Variants in ATRX observed in about 807,000 individuals in gnomAD.
The protein encoded by ATRX is ATRX chromatin remodeler.
In ATRX, 12 loss-of-function variants were observed where a neutral mutation model predicts 172.6. That is an observed-to-expected ratio of 0.07 (90% CI 0.04 to 0.11). The LOEUF (loss-of-function observed/expected upper bound fraction) is 0.11, where lower values mean the gene tolerates loss of function less well. ATRX is among the 10% of genes least tolerant of loss of function. The pLI is 1.00. For synonymous variants in ATRX, 674 were observed against 594.7 expected (o/e 1.13, Z -1.94); for missense variants, 1,368 against 1,767.4 (o/e 0.77, Z 4.05).
At chrX:77,694,327 T>A (rs2072064052) in intron 5 of ATRX, among the ~76,000 whole-genome samples, 1 of 111,325 alleles carries the variant, frequency 9.0e-6, no homozygotes, top group Non-Finnish European at 1.9e-5. Context: ...AGGGAAAAAA[T>A]TTTTAAAGAC....
At chrX:77,737,746 A>G (rs1253608379) in intron 1 of ATRX, among the ~76,000 whole-genome samples, 5 of 110,459 alleles carry the variant, frequency 4.5e-5, no homozygotes, top group African/African-American at 1.6e-4. Context: ...TGTACCCACA[A>G]TTTTATTTTT....
At chrX:77,778,696 G>A (rs2076451173) in intron 1 of ATRX, among the ~76,000 whole-genome samples, 1 of 107,419 alleles carries the variant, frequency 9.3e-6, no homozygotes, top group South Asian at 4.2e-4. Context: ...ACTCCAGCCT[G>A]GGTGACAGAG....
intron 25 of ATRX, 128 bp downstream of exon 25, chrX:77,599,283 T>C (rs782181438): frequency 6.9e-5 from 50 of 720,932 alleles, no homozygotes; most frequent in Non-Finnish European, 9.9e-5. Context: ...GAGTACTTGA[T>C]TAGACTCATC....
chrX:77,513,416 C>G (rs782595408), intron 34 of ATRX, among the ~76,000 whole-genome samples: 2 of 107,316 alleles, frequency 1.9e-5, no homozygotes, highest in Admixed American at 1.0e-4. Flanking sequence ...ACAAGGATGA[C>G]TGGCACACTC....
chrX:77,729,471 T>C (rs2074206312), intron 1 of ATRX, among the ~76,000 whole-genome samples: 1 of 112,472 alleles, frequency 8.9e-6, no homozygotes, highest in African/African-American at 3.2e-5. Flanking sequence ...TTTTATTTTC[T>C]TTAATTCATA....
chrX:77,633,818 G>A, intron 17 of ATRX, 106 bp from the exon 18 acceptor site: 1 of 911,645 alleles, frequency 1.1e-6, no homozygotes, highest in Non-Finnish European at 1.5e-6. Flanking sequence ...ACAATAAACG[G>A]CCAGAATTTC....
intron 1 of ATRX, among the ~76,000 whole-genome samples, chrX:77,758,169 ACT>A (rs2075577805): frequency 1.9e-5 from 2 of 106,975 alleles, no homozygotes; most frequent in South Asian, 8.5e-4. Context: ...CGAGTGGATC[ACT>A]TGAGGTCAGG....
intron 2 of ATRX, among the ~76,000 whole-genome samples, chrX:77,703,182 G>A (rs1404299479): frequency 8.9e-6 from 1 of 112,747 alleles, no homozygotes. Context: ...CACTTTTCTG[G>A]CCAGAAACAT....
At chrX:77,648,758 C>A (rs2069054755) in intron 15 of ATRX, among the ~76,000 whole-genome samples, 1 of 108,499 alleles carries the variant, frequency 9.2e-6, no homozygotes, top group Admixed American at 9.9e-5. Flanking sequence ...AGACTATAAA[C>A]AAATTTACAT....
intron 1 of ATRX, among the ~76,000 whole-genome samples, chrX:77,770,159 G>C (rs9778318): frequency 9.2e-6 from 1 of 108,622 alleles, no homozygotes; most frequent in African/African-American, 3.3e-5. Flanking sequence ...CTGAAGTGCA[G>C]TGGCACAATC....
intron 1 of ATRX, among the ~76,000 whole-genome samples, chrX:77,757,416 C>G (rs1178647775): frequency 8.9e-6 from 1 of 111,792 alleles, no homozygotes; most frequent in Non-Finnish European, 1.9e-5. Context: ...GGAGATGAAT[C>G]CATTTCTCCA....
chrX:77,590,910 C>T (rs1289458773), intron 26 of ATRX, among the ~76,000 whole-genome samples: 2 of 111,902 alleles, frequency 1.8e-5, no homozygotes, highest in African/African-American at 6.5e-5. Flanking sequence ...TAGACTTCAT[C>T]AAAATTTAAA....
At chrX:77,706,283 A>C (rs1477862731) in intron 2 of ATRX, among the ~76,000 whole-genome samples, 3 of 110,070 alleles carry the variant, frequency 2.7e-5, no homozygotes, top group African/African-American at 9.9e-5. Flanking sequence ...CATGCCCAAC[A>C]GTCCCACTGA....
At chrX:77,746,536 T>C (rs1425428780) in intron 1 of ATRX, among the ~76,000 whole-genome samples, 1 of 111,926 alleles carries the variant, frequency 8.9e-6, no homozygotes, top group Non-Finnish European at 1.9e-5. Context: ...TTTCAGATGA[T>C]GGTTCTATTC....
intron 34 of ATRX, 74 bp from the exon 35 acceptor site, chrX:77,508,703 T>C: frequency 6.3e-6 from 7 of 1,111,961 alleles, no homozygotes; most frequent in Non-Finnish European, 7.4e-6. Context: ...TGACTTAAAA[T>C]CAATTTGTTA....
chrX:77,766,199 G>A (rs1299085974), intron 1 of ATRX, among the ~76,000 whole-genome samples: 4 of 112,656 alleles, frequency 3.6e-5, no homozygotes, highest in Admixed American at 2.8e-4. Context: ...TCAATGAGCC[G>A]CTGGGCACAC....
At chrX:77,772,718 T>C (rs1351374270) in intron 1 of ATRX, among the ~76,000 whole-genome samples, 1 of 109,506 alleles carries the variant, frequency 9.1e-6, no homozygotes, top group Non-Finnish European at 1.9e-5. Context: ...CTTGACCTCG[T>C]GATCCATCCG....
chrX:77,680,645 A>C (rs184958686), intron 9 of ATRX, among the ~76,000 whole-genome samples: 2 of 111,769 alleles, frequency 1.8e-5, no homozygotes, highest in African/African-American at 6.5e-5. Context: ...AAAAATTTTT[A>C]AATTCTACCT....
intron 1 of ATRX, among the ~76,000 whole-genome samples, chrX:77,726,911 T>A (rs111963837): frequency 5.4e-5 from 6 of 110,981 alleles, no homozygotes; most frequent in South Asian, 3.7e-4. Flanking sequence ...GAAAATTTTT[T>A]AAAAAAATAG....
Sources: allele counts gnomAD v4.1 joint callset (sites outside exome capture counted in the v4.1 genomes callset), GRCh38; gene constraint gnomAD v4.1.1; transcripts MANE v1.5; gene names NCBI Gene and HGNC (gene_info 2026-07-23, HGNC 2026-07-21).